The following NPIPB11 variants were observed in gnomAD, a reference collection of about 807,000 sequenced individuals.
NPIPB11 encodes nuclear pore complex interacting protein family member B11.
A neutral mutation model predicts 32.8 loss-of-function variants in NPIPB11; 17 were observed. The ratio of observed to expected loss-of-function variants is 0.52; its 90% CI spans 0.35 to 0.78. The LOEUF (loss-of-function observed/expected upper bound fraction) is 0.78, where lower values mean the gene tolerates loss of function less well. Ranked by LOEUF, NPIPB11 falls within the 30% of genes least tolerant of loss-of-function variation. The pLI, the probability that NPIPB11 is intolerant of heterozygous loss-of-function variation, is 0.01. For missense variants in NPIPB11, 537 were observed against 1,000.4 expected, an observed-to-expected ratio of 0.54 and a Z score of 6.25; for synonymous variants, 209 against 398.4, an observed-to-expected ratio of 0.52 and a Z score of 5.66.
chr16:29,400,923 C>T (rs1963973745), intron 2 of NPIPB11, among the ~76,000 whole-genome samples: 1 of 152,090 alleles, frequency 6.6e-6, no homozygotes. Flanking sequence ...ACTATCCCCA[C>T]AGACGATTCC....
chr16:29,401,482 C>T (rs910114630), intron 2 of NPIPB11, among the ~76,000 whole-genome samples: 1 of 152,062 alleles, frequency 6.6e-6, no homozygotes, highest in African/African-American at 2.4e-5. Flanking sequence ...GGACAAACTC[C>T]ACCTGGCTGA....
chr16:29,397,771 G>C, intron 2 of NPIPB11: 1 of 178,058 alleles, frequency 5.6e-6, no homozygotes, highest in South Asian at 3.8e-5. Context: ...AGGGGGAGGG[G>C]GAAGGGAAGG....
upstream of NPIPB11, among the ~76,000 whole-genome samples, chr16:29,405,805 A>G (rs1242932066): frequency 6.6e-6 from 1 of 152,172 alleles, no homozygotes. Flanking sequence ...TAAAGATGGC[A>G]TTCTCATGTG....
At position 29,399,688 on chromosome 16, in the gene NPIPB11, ACT is replaced by A. The variant is rs908142224; in HGVS notation, c.120+3993_120+3994del. Among the ~76,000 whole-genome samples, 80 of 151,948 alleles carry A rather than the reference ACT, an allele frequency of 5.3e-4. 1 individual carries two copies. The highest frequency in any genetic ancestry group is 1.5e-3 in the African/African-American group (64 of 41,416). ...ACTCCAGCCTAGGAGACAGAGCGAG[ACT>A]CTGTCTCAAAAACAGCAACAACTAC... is the stretch of plus-strand genomic sequence containing the variant. On this transcript the variant is annotated intron_variant, in intron 2 of 7. Coordinates refer to ENST00000524087, the Ensembl canonical transcript of NPIPB11.
intron 2 of NPIPB11, among the ~76,000 whole-genome samples, chr16:29,399,623 A>G (rs372410800): frequency 0.043 from 6,535 of 150,234 alleles, 188 homozygotes; most frequent in South Asian, 0.059. Flanking sequence ...GTTTGAACCC[A>G]GGAGGCAGAG....
intron 2 of NPIPB11, chr16:29,397,664 C>T (rs1963892340): frequency 1.5e-6 from 2 of 1,330,492 alleles, no homozygotes; most frequent in Non-Finnish European, 2.1e-6. Context: ...TTCAGGGCGC[C>T]CTGAGGCGTC....
chr16:29,399,837 G>C (rs1362270457), intron 2 of NPIPB11, among the ~76,000 whole-genome samples: 1 of 152,026 alleles, frequency 6.6e-6, no homozygotes, highest in Non-Finnish European at 1.5e-5. Flanking sequence ...CCAGCACTTT[G>C]GGAGGCTGAG....
At chr16:29,393,732 G>T (rs1330682291) in intron 3 of NPIPB11, among the ~76,000 whole-genome samples, 1 of 152,082 alleles carries the variant, frequency 6.6e-6, no homozygotes, top group South Asian at 2.1e-4. Context: ...TTGACCAAAA[G>T]CTCTGTTGAC....
chr16:29,389,887 A>C (rs990559451), intron 5 of NPIPB11, 54 bp downstream of exon 5: 55 of 1,566,384 alleles, frequency 3.5e-5, no homozygotes, highest in Non-Finnish European at 4.8e-5. Context: ...ACAGTTGTCT[A>C]CTTTGATTGG....
At chr16:29,397,553 C>A in intron 2 of NPIPB11, 2 of 1,526,010 alleles carry the variant, frequency 1.3e-6, no homozygotes, top group Admixed American at 2.0e-5. Flanking sequence ...CCCCGAGGGT[C>A]CAGCGTCTAC....
intron 2 of NPIPB11, among the ~76,000 whole-genome samples, chr16:29,399,139 G>C (rs1340734555): frequency 6.6e-6 from 1 of 151,772 alleles, no homozygotes; most frequent in Non-Finnish European, 1.5e-5. Context: ...GGACCCAGGG[G>C]TCTGGTGACC....
intron 2 of NPIPB11, among the ~76,000 whole-genome samples, chr16:29,400,270 G>C (rs1963958868): frequency 6.7e-6 from 1 of 150,068 alleles, no homozygotes; most frequent in South Asian, 2.1e-4. Flanking sequence ...AGCAGAGTTT[G>C]GGGTCTCGAA....
chr16:29,401,277 G>A (rs924681490), intron 2 of NPIPB11, among the ~76,000 whole-genome samples: 1 of 152,054 alleles, frequency 6.6e-6, no homozygotes, highest in African/African-American at 2.4e-5. Context: ...TTTTACTCTT[G>A]ATATCCTTCC....
rs1963799675 is a variant in NPIPB11 at position 29,394,426 on chromosome 16, CCT to C, written c.121-352_121-351del. Among the ~76,000 whole-genome samples the C allele has an allele frequency of 3.2e-5, 4 of 124,518 alleles. No individual in the cohort carries two copies. The East Asian group carries it at 6.3e-4, about 20-fold the overall frequency. The allele number at this position is 124,518 out of a possible 152,430, so 81.7% of individuals were successfully genotyped here. A position where few individuals can be genotyped will look rare whatever the true frequency, so the allele number is the denominator to read the frequency against. ...CAATAGCTGATGATCTAAAAAAAAA[CCT>C]CTTTTTTTTTTTTTTTTTTGAGACA... On this transcript the variant is annotated intron_variant, in intron 2 of 7. Coordinates refer to ENST00000524087, the Ensembl canonical transcript of NPIPB11.
At chr16:29,406,568 G>C (rs1964118023), upstream of NPIPB11, among the ~76,000 whole-genome samples, 1 of 152,214 alleles carries the variant, frequency 6.6e-6, no homozygotes, top group South Asian at 2.1e-4. Flanking sequence ...ACAAAAATTA[G>C]CCATGCCTGG....
At chr16:29,389,392 G>C (rs1204118396) in intron 5 of NPIPB11, among the ~76,000 whole-genome samples, 13 of 106,972 alleles carry the variant, frequency 1.2e-4, no homozygotes, top group Non-Finnish European at 2.5e-4. Context: ...AAAAAAAAAA[G>C]GCTGGCTGTG....
Position 29,383,086 on chromosome 16 carries a change from G to C in NPIPB11, c.1846C>G (p.Pro616Ala), listed in dbSNP as rs143721595. 6.9e-3 allele frequency: 11,022 copies of C among 1,593,944 alleles called. 723 individuals carry two copies. The African/African-American group carries it at 0.13, about 19-fold the overall frequency. The stretch of plus-strand genomic sequence containing the variant: ...TATCTTGATATTATCATCTGCTGAG[G>C]GTGGAGCTGAGGGTGGAAGGGGAGT... Residue 616 changes from proline (P) to alanine (A), a missense_variant, in exon 8 of 8, where the codon CCT becomes GCT. Transcript: ENST00000524087.
upstream of NPIPB11, among the ~76,000 whole-genome samples, chr16:29,406,274 G>C (rs1162972976): frequency 1.3e-5 from 2 of 152,282 alleles, no homozygotes; most frequent in Non-Finnish European, 2.9e-5. Flanking sequence ...GCACTGTCAA[G>C]TGAGGTGACA....
At chr16:29,405,592 A>T (rs923884395), upstream of NPIPB11, among the ~76,000 whole-genome samples, 3 of 152,058 alleles carry the variant, frequency 2.0e-5, no homozygotes, top group African/African-American at 7.3e-5. Context: ...ATGATGAAGC[A>T]CTCTGTCCAA....
Sources: gnomAD v4.1 joint callset for allele counts (sites outside exome capture counted in the v4.1 genomes callset) on GRCh38, gnomAD v4.1.1 for gene constraint, MANE v1.5 for transcripts, NCBI Gene and HGNC (gene_info 2026-07-23, HGNC 2026-07-21) for gene names.